ATG5: variants seen among roughly 807,000 people sequenced by gnomAD.
ATG5 encodes the protein autophagy related 5.
A neutral mutation model predicts 36.5 loss-of-function variants in ATG5; 14 were observed. The observed-to-expected ratio is 0.38, with a 90% confidence interval of 0.25 to 0.60. The LOEUF is 0.60. Among genes scored for constraint, ATG5 ranks in the 20% least tolerant of loss-of-function variants. The pLI is 0.60. For synonymous variants in ATG5, 95 were observed against 101.5 expected (o/e 0.94, Z 0.38); for missense variants, 195 against 326.7 (o/e 0.60, Z 3.11).
chr6:106,191,436 G>A (rs566637007), intron 7 of ATG5, among the ~76,000 whole-genome samples: 14 of 152,184 alleles, frequency 9.2e-5, no homozygotes, highest in East Asian at 1.9e-4. Context: ...TCACTAACAC[G>A]TCTCCCAGTT....
At chr6:106,224,626 A>G (rs1470017207) in intron 6 of ATG5, among the ~76,000 whole-genome samples, 3 of 152,212 alleles carry the variant, frequency 2.0e-5, no homozygotes, top group African/African-American at 4.8e-5. Context: ...CTGTAATCCC[A>G]GCACTTTGGG....
intron 1 of ATG5, among the ~76,000 whole-genome samples, chr6:106,321,714 T>C (rs1249632317): frequency 1.3e-5 from 2 of 152,178 alleles, no homozygotes; most frequent in East Asian, 3.9e-4. Flanking sequence ...AGTTTTCCCC[T>C]ATGCAGCCTC....
At chr6:106,260,043 G>C (rs55690521) in intron 5 of ATG5, among the ~76,000 whole-genome samples, 59 of 152,172 alleles carry the variant, frequency 3.9e-4, no homozygotes, top group Middle Eastern at 3.4e-3. Context: ...TCACTCATAG[G>C]GGGGAACTGA....
intron 5 of ATG5, among the ~76,000 whole-genome samples, chr6:106,273,050 C>T (rs1401125998): frequency 1.3e-5 from 2 of 152,108 alleles, no homozygotes; most frequent in Non-Finnish European, 2.9e-5. Context: ...TCTCAGTGTT[C>T]CAAAGACTGA....
chr6:106,261,727 G>A (rs1053405577), intron 5 of ATG5, among the ~76,000 whole-genome samples: 6 of 152,222 alleles, frequency 3.9e-5, no homozygotes, highest in African/African-American at 1.4e-4. Context: ...TAATGGTAGA[G>A]ATGAAAAGTC....
At chr6:106,269,507 G>C (rs1435913653) in intron 5 of ATG5, among the ~76,000 whole-genome samples, 2 of 152,250 alleles carry the variant, frequency 1.3e-5, no homozygotes, top group African/African-American at 4.8e-5. Flanking sequence ...GGAAGGGGTG[G>C]GAGGCTCAGG....
At chr6:106,296,051 C>T (rs367884599) in intron 3 of ATG5, among the ~76,000 whole-genome samples, 1 of 152,020 alleles carries the variant, frequency 6.6e-6, no homozygotes, top group Admixed American at 6.5e-5. Context: ...ATGCATAAAT[C>T]GAAGAAGTCC....
At chr6:106,288,307 T>C (rs1236902106) in intron 4 of ATG5, among the ~76,000 whole-genome samples, 6 of 152,072 alleles carry the variant, frequency 3.9e-5, no homozygotes, top group Admixed American at 1.3e-4. Flanking sequence ...AATTTTTTAA[T>C]ATAAAAAACT....
intron 5 of ATG5, among the ~76,000 whole-genome samples, chr6:106,260,960 T>C (rs1402854112): frequency 6.6e-6 from 1 of 152,182 alleles, no homozygotes; most frequent in African/African-American, 2.4e-5. Context: ...AGGCTTTTGT[T>C]TAAAAGCATG....
At chr6:106,198,400 GTTATTTAACTGAACACAAT>G (rs1776285809) in intron 7 of ATG5, among the ~76,000 whole-genome samples, 1 of 151,994 alleles carries the variant, frequency 6.6e-6, no homozygotes, top group Non-Finnish European at 1.5e-5. Flanking sequence ...AAAAGTTTTA[GTTATTTAACTGAACACAAT>G]CCATTAAAAA....
chr6:106,224,108 CT>C (rs1364876213), intron 6 of ATG5, among the ~76,000 whole-genome samples: 2 of 152,196 alleles, frequency 1.3e-5, no homozygotes, highest in Admixed American at 1.3e-4. Context: ...TCTGAAGTAA[CT>C]TTAGAAGCAC....
rs953535691 is a variant in ATG5 at position 106,211,448 on chromosome 6, C to T, written c.574-9359G>A. Among the ~76,000 whole-genome samples, 5 of 152,306 alleles carry T rather than the reference C, an allele frequency of 3.3e-5. No homozygotes were observed. The South Asian group carries it at 8.3e-4, about 25-fold the overall frequency. Reference sequence around the variant, plus strand: ...TGGACAGGCCGGGCGTGGTGGCTCACGCCTGTAATCCCAGCACTTTGGGAG... The same window carrying T: ...TGGACAGGCCGGGCGTGGTGGCTCATGCCTGTAATCCCAGCACTTTGGGAG... On this transcript the variant is annotated intron_variant, in intron 6 of 7. Transcript: ENST00000369076.
rs1183656306 is a variant in ATG5, at chr6:106,283,227, T to C, written c.316-3404A>G. Among the ~76,000 whole-genome samples, 33 of 152,180 alleles carry C rather than the reference T, an allele frequency of 2.2e-4. 1 individual carries two copies. Among genetic ancestry groups the C allele is most frequent in the Admixed American group, 2.2e-3 (33 of 15,282 alleles). On this transcript the variant is annotated intron_variant, in intron 4 of 7. Coordinates refer to ENST00000369076, the MANE Select transcript of ATG5 (RefSeq NM_004849.4). The stretch of plus-strand genomic sequence containing the variant: ...ACTCTGTTGAAGGCTCTTGCATCCA[T>C]GATCATGAAATATACTGGCTTATAA...
rs651574 is a variant in ATG5 at position 106,227,891 on chromosome 6, T to C, written c.573+20259A>G. Among the ~76,000 whole-genome samples, 435 of 152,286 alleles carry C rather than the reference T, an allele frequency of 2.9e-3. 3 individuals carry two copies. The highest frequency in any genetic ancestry group is 9.3e-3 in the African/African-American group (388 of 41,560). ...TTAGGCAAGCAATTACTAGTTGTAA[T>C]TCAACTTGAAGGAGAAGGAATAAGG... On this transcript the variant is annotated intron_variant, in intron 6 of 7. Coordinates refer to ENST00000369076, the MANE Select transcript of ATG5 (RefSeq NM_004849.4).
chr6:106,286,308 ATGGGGC>A (rs758420926), intron 4 of ATG5, among the ~76,000 whole-genome samples: 11,369 of 152,210 alleles, frequency 0.075, 716 homozygotes, highest in Admixed American at 0.22. Flanking sequence ...TCCAAAGCAC[ATGGGGC>A]TCACCTTGTT....
At chr6:106,249,637 A>C (rs1778487268) in intron 5 of ATG5, among the ~76,000 whole-genome samples, 1 of 152,184 alleles carries the variant, frequency 6.6e-6, no homozygotes, top group Admixed American at 6.5e-5. Flanking sequence ...GTCATTAGGT[A>C]ACTCTATTTA....
intron 6 of ATG5, among the ~76,000 whole-genome samples, chr6:106,208,223 T>TATGTGTAAA (rs1776712309): frequency 2.0e-5 from 3 of 151,478 alleles, no homozygotes; most frequent in Admixed American, 6.6e-5. Context: ...TATATATACA[T>TATGTGTAAA]CTGTGTAAAC....
intron 6 of ATG5, among the ~76,000 whole-genome samples, chr6:106,246,980 T>C (rs184548938): frequency 1.6e-4 from 24 of 152,240 alleles, no homozygotes; most frequent in Non-Finnish European, 3.1e-4. Context: ...ATGAAAAATA[T>C]GGACTATTTG....
intron 6 of ATG5, among the ~76,000 whole-genome samples, chr6:106,239,799 A>G (rs1778043830): frequency 6.6e-6 from 1 of 152,232 alleles, no homozygotes; most frequent in South Asian, 2.1e-4. Flanking sequence ...GACAAAGCCA[A>G]GCCTATCATT....
Sources: allele counts gnomAD v4.1 joint callset (sites outside exome capture counted in the v4.1 genomes callset), GRCh38; gene constraint gnomAD v4.1.1; transcripts MANE v1.5; gene names NCBI Gene and HGNC (gene_info 2026-07-23, HGNC 2026-07-21).